The following NR1H2 variants were observed in gnomAD, a reference collection of about 807,000 sequenced individuals.
NR1H2 encodes the protein nuclear receptor subfamily 1 group H member 2.
In NR1H2, 33 loss-of-function variants were observed where a neutral mutation model predicts 51.2. That is an observed-to-expected ratio of 0.64 (90% CI 0.49 to 0.86). NR1H2 has a LOEUF of 0.86. Among genes scored for constraint, NR1H2 ranks in the 40% least tolerant of loss-of-function variants. NR1H2 has a pLI of 0.00. For synonymous variants in NR1H2, 310 were observed against 264.3 expected (o/e 1.17, Z -1.68); for missense variants, 592 against 639.9 (o/e 0.93, Z 0.81).
intron 8 of NR1H2, 142 bp from the exon 9 acceptor site, chr19:50,381,824 G>A (rs2037770397): frequency 7.1e-6 from 5 of 707,662 alleles, no homozygotes; most frequent in Non-Finnish European, 1.2e-5. Context: ...TCATGGGCAC[G>A]GGGCACAGGT....
At chr19:50,377,399 G>A in intron 2 of NR1H2, 188 bp from the exon 3 acceptor site, 1 of 522,818 alleles carries the variant, frequency 1.9e-6, no homozygotes. Flanking sequence ...GGCTGGCGTG[G>A]AACAGAAGGG....
chr19:50,377,326 C>T, intron 2 of NR1H2: 1 of 419,782 alleles, frequency 2.4e-6, no homozygotes. Flanking sequence ...CTAGAAAAAG[C>T]AGGTGGATTG....
intron 6 of NR1H2, 101 bp downstream of exon 6, chr19:50,378,897 G>A: frequency 1.9e-6 from 3 of 1,554,504 alleles, no homozygotes; most frequent in Non-Finnish European, 2.6e-6. Flanking sequence ...AGAGGGCAGG[G>A]GCTTTGGGAA....
At chr19:50,382,247 C>A (rs930086799) in intron 9 of NR1H2, 73 bp downstream of exon 9, 21 of 1,402,144 alleles carry the variant, frequency 1.5e-5, no homozygotes, top group Non-Finnish European at 1.9e-5. Context: ...AGGCTGGGTT[C>A]TGCCAGCCAC....
At chr19:50,380,937 G>A (rs2037755686) in intron 8 of NR1H2, among the ~76,000 whole-genome samples, 1 of 152,176 alleles carries the variant, frequency 6.6e-6, no homozygotes, top group Admixed American at 6.5e-5. Context: ...AGCACTTAAG[G>A]CTGCCCACTT....
chr19:50,377,670 C>T (rs146559448), intron 3 of NR1H2, 22 bp downstream of exon 3: 41 of 1,609,922 alleles, frequency 2.5e-5, no homozygotes, highest in Non-Finnish European at 3.3e-5. Context: ...TCTTCCCCAC[C>T]CAGCCCTTAT....
chr19:50,376,937 T>C (rs1434835116), intron 2 of NR1H2, 111 bp downstream of exon 2: 1 of 64,028 alleles, frequency 1.6e-5, no homozygotes, highest in African/African-American at 5.9e-5. Flanking sequence ...GAGGCGGGGC[T>C]GGGGGCGGGG....
chr19:50,382,222 C>G (rs1568597106), intron 9 of NR1H2, 48 bp downstream of exon 9: 3 of 1,465,136 alleles, frequency 2.0e-6, no homozygotes, highest in African/African-American at 2.8e-5. Context: ...GTCCCGCGGC[C>G]CACGTGGTCC....
intron 8 of NR1H2, 98 bp downstream of exon 8, chr19:50,379,977 C>T (rs2037739932): frequency 1.2e-6 from 1 of 827,550 alleles, no homozygotes; most frequent in Admixed American, 2.0e-5. Context: ...TTCTTTATCT[C>T]CAAAGTTGGG....
chr19:50,376,962 A>C (rs1374998475), intron 2 of NR1H2, 136 bp downstream of exon 2: 1 of 100,870 alleles, frequency 9.9e-6, no homozygotes, highest in Non-Finnish European at 2.0e-5. Flanking sequence ...ATGGGAGGAG[A>C]TGTGGCGGGG....
intron 6 of NR1H2, 43 bp downstream of exon 6, chr19:50,378,839 G>C (rs1047590572): frequency 6.3e-7 from 1 of 1,591,886 alleles, no homozygotes; most frequent in Non-Finnish European, 8.6e-7. Context: ...GTCCCAATGG[G>C]GTAGAGCCAG....
At chr19:50,378,006 A>G in intron 4 of NR1H2, 136 bp downstream of exon 4, 1 of 1,424,694 alleles carries the variant, frequency 7.0e-7, no homozygotes, top group Non-Finnish European at 9.4e-7. Flanking sequence ...CATCTTTCTA[A>G]ATTGCAATTT....
intron 2 of NR1H2, chr19:50,377,256 G>A (rs893372508): frequency 7.0e-6 from 2 of 286,048 alleles, no homozygotes; most frequent in Non-Finnish European, 1.3e-5. Flanking sequence ...GAGGTGGGGG[G>A]AAACTACATG....
At position 50,378,450 on chromosome 19, in the gene NR1H2, C is replaced by T. The variant is rs746260467; in HGVS notation, c.472+11C>T. The T allele has an allele frequency of 1.3e-5, 20 of 1,580,458 alleles. 1 individual carries two copies. The South Asian group carries it at 1.4e-4, about 11-fold the overall frequency. On this transcript the variant is annotated intron_variant, in intron 5 of 9. Transcript: ENST00000253727. ...GGATGAGGGAGCAGTGTGAGTGCAG[C>T]GGGAGGGGGCGGTGCCGGCCTGGCC... is the stretch of plus-strand genomic sequence containing the variant.
Position 50,381,998 on chromosome 19 carries a change from G to C in NR1H2, c.1060G>C (p.Glu354Gln). Reference sequence around the variant, plus strand: ...GGTGGAGTTCATCAACCCCATCTTCGAGTTCTCGCGGGCCATGCGGCGGCT... The same window carrying C: ...GGTGGAGTTCATCAACCCCATCTTCCAGTTCTCGCGGGCCATGCGGCGGCT... Reference protein sequence around the residue: ...LQVEFINPIFEFSRAMRRLGL... With the variant: ...LQVEFINPIFQFSRAMRRLGL... Residue 354 changes from glutamate (E) to glutamine (Q), a missense_variant, in exon 9 of 10, where the codon GAG becomes CAG. Physicochemically the swap from Glu to Gln is conservative, Grantham distance 29. Transcript: ENST00000253727. 3.8e-6 allele frequency: 6 copies of C among 1,565,076 alleles called. No individual in the cohort carries two copies. The highest frequency in any genetic ancestry group is 1.9e-5 in the Admixed American group (1 of 53,282).
chr19:50,377,953 C>T, intron 4 of NR1H2, 83 bp downstream of exon 4: 3 of 1,478,354 alleles, frequency 2.0e-6, no homozygotes, highest in South Asian at 1.4e-5. Context: ...GAATGGGAGG[C>T]CCTGATCTTT....
At chr19:50,378,463 T>TGCCGGC in intron 5 of NR1H2, 24 bp downstream of exon 5, 1 of 1,576,720 alleles carries the variant, frequency 6.3e-7, no homozygotes, top group South Asian at 1.2e-5. Context: ...GAGGGGGCGG[T>TGCCGGC]GCCGGCCTGG....
rs746168916 is a variant in NR1H2 at position 50,378,640 on chromosome 19, T to C, written c.591T>C (p.Pro197=). The part of the protein sequence containing the change: ...PQGSSSSASG[P]GASPGGSEAG... ...GCAGCAGCAGCTCAGCCTCTGGGCC[T>C]GGGGCTTCCCCTGGTGGATCTGAGG... Residue 197 remains proline, a synonymous_variant, in exon 6 of 10, where the codon CCT becomes CCC. Coordinates refer to ENST00000253727, the MANE Select transcript of NR1H2 (RefSeq NM_007121.7). 3.7e-5 allele frequency: 60 copies of C among 1,613,874 alleles called. No homozygotes were observed. The East Asian group carries it at 1.3e-3, about 36-fold the overall frequency.
intron 9 of NR1H2, 64 bp downstream of exon 9, chr19:50,382,238 G>C: frequency 6.9e-7 from 1 of 1,442,054 alleles, no homozygotes; most frequent in African/African-American, 1.4e-5. Flanking sequence ...GGTCCGTTCA[G>C]GCTGGGTTCT....
Sources: gnomAD v4.1 joint callset for allele counts (sites outside exome capture counted in the v4.1 genomes callset) on GRCh38, gnomAD v4.1.1 for gene constraint, MANE v1.5 for transcripts, NCBI Gene and HGNC (gene_info 2026-07-23, HGNC 2026-07-21) for gene names.